CNOT3: variants seen among roughly 807,000 people sequenced by gnomAD.
The protein encoded by CNOT3 is CCR4-associated factor 3.
A neutral mutation model predicts 89.4 loss-of-function variants in CNOT3; 2 were observed. The observed-to-expected ratio is 0.02, with a 90% CI of 0.01 to 0.07. The LOEUF (loss-of-function observed/expected upper bound fraction) is 0.07, where lower values mean the gene tolerates loss of function less well. Ranked by LOEUF, CNOT3 falls within the 10% of genes least tolerant of loss-of-function variation. CNOT3 has a pLI of 1.00. For missense variants in CNOT3, 664 were observed against 1,010.2 expected, an observed-to-expected ratio of 0.66 and a Z score of 4.65; for synonymous variants, 486 against 402.0, an observed-to-expected ratio of 1.21 and a Z score of -2.50.
intron 15 of CNOT3, 36 bp downstream of exon 15, chr19:54,152,662 T>A (rs2075184320): frequency 6.4e-7 from 1 of 1,550,970 alleles, no homozygotes. Flanking sequence ...GGTCTGGGAC[T>A]TGAGTCTTAC....
At chr19:54,140,291 G>C (rs587692289) in intron 1 of CNOT3, among the ~76,000 whole-genome samples, 14 of 152,266 alleles carry the variant, frequency 9.2e-5, no homozygotes, top group Non-Finnish European at 1.5e-5. Context: ...TCCCTGTGGG[G>C]ATGTGTGTTC....
In CNOT3 at chr19:54,145,288, G is replaced by C. The variant is rs893983441; in HGVS notation, c.484-310G>C. ...TTGAGAAATCTGGGCTGTCAGGTGA[G>C]GTGCAGATGGAGGCCAAGTCGTGGG... On this transcript the variant is annotated intron_variant, in intron 7 of 17. Coordinates refer to ENST00000221232, the MANE Select transcript of CNOT3 (RefSeq NM_014516.4). This position sits in a 1 kb window ranked among gnomAD's most constrained non-coding sequence, Gnocchi z 5.9. Among the ~76,000 whole-genome samples, 1 of 152,144 alleles carries C rather than the reference G, an allele frequency of 6.6e-6. No individual in the cohort carries two copies. The highest frequency in any genetic ancestry group is 1.5e-5 in the Non-Finnish European group (1 of 68,020).
At position 54,148,672 on chromosome 19, in the gene CNOT3, T is replaced by C. The variant is rs1317760418; in HGVS notation, c.1335T>C (p.Ser445=). Residue 445 remains serine, a synonymous_variant, in exon 12 of 18, where the codon AGT becomes AGC. Coordinates refer to ENST00000221232, the MANE Select transcript of CNOT3 (RefSeq NM_014516.4). The surrounding 1 kb of genome is among the most constrained non-coding windows in gnomAD (Gnocchi z 6.3). Reference sequence around the variant, plus strand: ...CGGCAGAGGTGGCTTTGAGCAGCAGTGGGGGCAACAATGCCAGCAGCCAGG... The same window carrying C: ...CGGCAGAGGTGGCTTTGAGCAGCAGCGGGGGCAACAATGCCAGCAGCCAGG... ...DSPAEVALSS[S]GGNNASSQAL... 1.2e-6 allele frequency: 2 copies of C among 1,610,920 alleles called. No individual in the cohort carries two copies. Among genetic ancestry groups the C allele is most frequent in the Non-Finnish European group, 1.7e-6 (2 of 1,178,772 alleles).
chr19:54,154,116 C>T, intron 17 of CNOT3: 1 of 664,088 alleles, frequency 1.5e-6, no homozygotes. Context: ...AGTGCCTCCC[C>T]TTTGCAGTGC....
chr19:54,153,509 C>T (rs944527428), intron 16 of CNOT3: 3 of 778,192 alleles, frequency 3.9e-6, no homozygotes, highest in Non-Finnish European at 7.2e-6. Context: ...TCTCTGAAAG[C>T]AATTTTCACC....
rs140713597 is a variant in CNOT3 at position 54,150,948 on chromosome 19, G to T, written c.1605+1190G>T. 6.3e-3 allele frequency among the ~76,000 whole-genome samples: 956 copies of T among 152,026 alleles called. 8 individuals carry two copies. Among genetic ancestry groups the T allele is most frequent in the African/African-American group, 0.022 (895 of 41,456 alleles). On this transcript the variant is annotated intron_variant, in intron 13 of 17. Coordinates refer to ENST00000221232, the MANE Select transcript of CNOT3 (RefSeq NM_014516.4). ...TGGGATTACAGGCGCCTGCCACCAC[G>T]CCAGGCTAATTTTTATATTTTTAAT...
At chr19:54,141,372 G>A (rs2074441874) in intron 1 of CNOT3, 1 of 152,200 alleles carries the variant, frequency 6.6e-6, no homozygotes. Context: ...TTATCACCCA[G>A]AATGGGTCCC....
intron 13 of CNOT3, among the ~76,000 whole-genome samples, chr19:54,150,583 AGGAGGCAGTGTGCGCGCCCAGGCT>A (rs1384727451): frequency 1.6e-3 from 175 of 108,778 alleles, no homozygotes; most frequent in African/African-American, 6.1e-3. Flanking sequence ...CAGGCTGTCC[AGGAGGCAGTGTGCGCGCCCAGGCT>A]GTCCAGGAGG....
rs2075361844 is a variant in CNOT3, at chr19:54,155,600, C to T, written c.*193C>T. Reference sequence around the variant, plus strand: ...GGCCCGGGGGCGAGGGCTGCCCCCTCCTCCCCTCCCCAGTGAGGGACATTT... The same window carrying T: ...GGCCCGGGGGCGAGGGCTGCCCCCTTCTCCCCTCCCCAGTGAGGGACATTT... On this transcript the variant is annotated 3_prime_UTR_variant, in exon 18 of 18. Transcript: ENST00000221232. 1.8e-6 allele frequency: 2 copies of T among 1,128,122 alleles called. No homozygotes were observed. The highest frequency in any genetic ancestry group is 2.5e-6 in the Non-Finnish European group (2 of 797,874). The allele number at this position is 1,128,122 out of a possible 1,614,324, so 69.9% of individuals were successfully genotyped here.
Position 54,142,949 on chromosome 19 carries a change from T to C in CNOT3, c.-30T>C. Reference sequence around the variant, plus strand: ...AGCAGCGTCCGTCTCCAAGAGAGTATGAAGAGAGTGCGTCTGTAGGGCAGG... The same window carrying C: ...AGCAGCGTCCGTCTCCAAGAGAGTACGAAGAGAGTGCGTCTGTAGGGCAGG... On this transcript the variant is annotated 5_prime_UTR_variant, in exon 2 of 18. The change abolishes an upstream ATG in the 5' untranslated region. Coordinates refer to ENST00000221232, the MANE Select transcript of CNOT3 (RefSeq NM_014516.4). The C allele has an allele frequency of 6.2e-7, 1 of 1,612,590 alleles. No homozygotes were observed. Among genetic ancestry groups the C allele is most frequent in the Non-Finnish European group, 8.5e-7 (1 of 1,178,852 alleles).
chr19:54,147,764 T>G (rs1291045010), intron 10 of CNOT3, among the ~76,000 whole-genome samples: 1 of 152,222 alleles, frequency 6.6e-6, no homozygotes, highest in Non-Finnish European at 1.5e-5. Flanking sequence ...CTTCTACTCT[T>G]GGACATTAGG....
At chr19:54,143,229 A>C (rs1265726163) in intron 3 of CNOT3, 43 bp downstream of exon 3, 5 of 1,569,230 alleles carry the variant, frequency 3.2e-6, no homozygotes, top group Non-Finnish European at 3.5e-6. Flanking sequence ...TTCAGAGAGG[A>C]GGGCACAGGA....
intron 1 of CNOT3, among the ~76,000 whole-genome samples, chr19:54,138,397 G>A (rs1030215387): frequency 6.6e-6 from 1 of 152,130 alleles, no homozygotes; most frequent in African/African-American, 2.4e-5. Flanking sequence ...GGCGCCCCTG[G>A]TCCCAGGTGC....
chr19:54,144,398 G>A lies in CNOT3; in HGVS notation c.483+66G>A. 1.6e-6 allele frequency: 2 copies of A among 1,220,872 alleles called. No homozygotes were observed. The highest frequency in any genetic ancestry group is 2.4e-6 in the Non-Finnish European group (2 of 829,678). The allele number at this position is 1,220,872 out of a possible 1,614,324, so 75.6% of individuals were successfully genotyped here. A position where few individuals can be genotyped will look rare whatever the true frequency, so the allele number is the denominator to read the frequency against. On this transcript the variant is annotated intron_variant, in intron 7 of 17. Transcript: ENST00000221232. This position sits in a 1 kb window ranked among gnomAD's most constrained non-coding sequence, Gnocchi z 4.8. Reference sequence around the variant, plus strand: ...CATGGGAATGGGCTGGCCAGCAGGAGGCCAGTCATTTATGCTCCTGGGAGT... The same window carrying A: ...CATGGGAATGGGCTGGCCAGCAGGAAGCCAGTCATTTATGCTCCTGGGAGT...
chr19:54,151,379 CAG>C (rs1249654523), intron 13 of CNOT3, among the ~76,000 whole-genome samples: 2 of 151,982 alleles, frequency 1.3e-5, no homozygotes, highest in Admixed American at 6.6e-5. Flanking sequence ...GGTGGCACGA[CAG>C]GGAAGGGAGC....
rs1315255632 is a variant in CNOT3, at chr19:54,152,438, G to A, written c.1716G>A (p.Leu572=). The change falls in exon 15 of 18, where the codon CTG becomes CTA. Residue 572 remains leucine, a synonymous_variant. Coordinates refer to ENST00000221232, the MANE Select transcript of CNOT3 (RefSeq NM_014516.4). ...TLHLTERDII[L]SSTSAPPASA... ...CCACCCTCCCCACAGACATCATCCTGAGCAGTACATCAGCACCTCCGGCCT... is the reference window on the plus strand; with the variant it reads ...CCACCCTCCCCACAGACATCATCCTAAGCAGTACATCAGCACCTCCGGCCT... 6 of 1,614,038 alleles carry A rather than the reference G, an allele frequency of 3.7e-6. No individual in the cohort carries two copies. The Admixed American group carries it at 1.0e-4, about 27-fold the overall frequency.
At chr19:54,154,197 C>G in intron 17 of CNOT3, 1 of 447,808 alleles carries the variant, frequency 2.2e-6, no homozygotes, top group Non-Finnish European at 4.4e-6. Flanking sequence ...GCTCTGCTGC[C>G]GAGGGACCTT....
intron 13 of CNOT3, among the ~76,000 whole-genome samples, chr19:54,150,977 G>C (rs1490709533): frequency 6.6e-6 from 1 of 152,042 alleles, no homozygotes; most frequent in Non-Finnish European, 1.5e-5. Flanking sequence ...TTTTAATAGA[G>C]ATGGGGTTTT....
chr19:54,145,833 T>C lies in CNOT3; in HGVS notation c.703+16T>C, dbSNP rs112551303. 5.4e-4 allele frequency: 872 copies of C among 1,609,108 alleles called. 5 individuals are homozygous for C. The African/African-American group carries it at 9.8e-3, about 18-fold the overall frequency. ...GAGGACATTCGTGAGGCCCTGGGGC[T>C]GATCGTGGCACAGGAAGTGAGGGCC... On this transcript the variant is annotated intron_variant, in intron 8 of 17. Transcript: ENST00000221232. This position sits in a 1 kb window ranked among gnomAD's most constrained non-coding sequence, Gnocchi z 5.9.
Sources: gnomAD v4.1 joint callset for allele counts (sites outside exome capture counted in the v4.1 genomes callset) on GRCh38, gnomAD v4.1.1 for gene constraint, Gnocchi (gnomAD v3.1) non-coding constraint, MANE v1.5 for transcripts, NCBI Gene and HGNC (gene_info 2026-07-23, HGNC 2026-07-21) for gene names.